RPSA2: variants seen among roughly 807,000 people sequenced by gnomAD.
RPSA2 encodes ribosomal protein SA 2.
chr19:23,866,513 G>GCCC, the RPSA2 span, among the ~76,000 whole-genome samples: 30 of 142,280 alleles, frequency 2.1e-4, no homozygotes, highest in Non-Finnish European at 2.6e-4. Context: ...ACAATGTGGT[G>GCCC]CCCCCCCCCG....
At chr19:23,799,473 C>T in the RPSA2 span, 27 of 152,252 alleles carry the variant, frequency 1.8e-4, no homozygotes, top group African/African-American at 6.3e-4. Flanking sequence ...GGCTCTCTTC[C>T]TGCAGCTCAG....
At chr19:23,792,752 A>G in the RPSA2 span, among the ~76,000 whole-genome samples, 6 of 151,838 alleles carry the variant, frequency 4.0e-5, no homozygotes, top group Non-Finnish European at 7.4e-5. Context: ...TGACCTCGTG[A>G]TCTGCCCGCC....
chr19:23,832,938 A>G, the RPSA2 span: 1 of 1,509,578 alleles, frequency 6.6e-7, no homozygotes, highest in Non-Finnish European at 9.0e-7. Context: ...GCTTTACTAA[A>G]CATAAGGTAA....
chr19:23,814,111 A>C, the RPSA2 span, among the ~76,000 whole-genome samples: 5 of 151,186 alleles, frequency 3.3e-5, no homozygotes, highest in Non-Finnish European at 5.9e-5. Flanking sequence ...TCTTGGGAAG[A>C]TGAGGCAGGA....
At chr19:23,826,782 T>C in the RPSA2 span, among the ~76,000 whole-genome samples, 5 of 152,178 alleles carry the variant, frequency 3.3e-5, no homozygotes, top group East Asian at 9.7e-4. Context: ...GCCTCCTGGG[T>C]TCAAGCAATT....
the RPSA2 span, among the ~76,000 whole-genome samples, chr19:23,828,973 T>A: frequency 7.2e-6 from 1 of 138,938 alleles, no homozygotes; most frequent in Non-Finnish European, 1.6e-5. Context: ...ACACACAAAT[T>A]TGTCATAGAT....
chr19:23,812,744 G>A, the RPSA2 span, among the ~76,000 whole-genome samples: 1 of 152,046 alleles, frequency 6.6e-6, no homozygotes, highest in East Asian at 1.9e-4. Context: ...TAAGTGAGTA[G>A]CCTTGGAAAT....
At chr19:23,818,540 G>A in the RPSA2 span, 2 of 152,516 alleles carry the variant, frequency 1.3e-5, no homozygotes, top group Admixed American at 1.3e-4. Flanking sequence ...TTTGATAAAC[G>A]GCATTTCTCA....
the RPSA2 span, among the ~76,000 whole-genome samples, chr19:23,841,099 T>C: frequency 1.1e-4 from 16 of 152,312 alleles, no homozygotes; most frequent in Non-Finnish European, 1.9e-4. Flanking sequence ...AGAAGTCATG[T>C]TGCATCCTCC....
the RPSA2 span, among the ~76,000 whole-genome samples, chr19:23,841,318 G>T: frequency 5.3e-5 from 8 of 152,020 alleles, no homozygotes; most frequent in African/African-American, 1.7e-4. Flanking sequence ...CAAAAAATCA[G>T]CTGGGCGTGG....
At chr19:23,787,103 T>C in the RPSA2 span, among the ~76,000 whole-genome samples, 1 of 152,286 alleles carries the variant, frequency 6.6e-6, no homozygotes, top group Non-Finnish European at 1.5e-5. Flanking sequence ...AGCATATTGC[T>C]ACACCCAGCA....
At chr19:23,867,809 G>A in the RPSA2 span, among the ~76,000 whole-genome samples, 1 of 143,256 alleles carries the variant, frequency 7.0e-6, no homozygotes, top group Non-Finnish European at 1.5e-5. Flanking sequence ...CAGCCTGGGC[G>A]ACAGAGCGAG....
chr19:23,845,904 A>T, the RPSA2 span, among the ~76,000 whole-genome samples: 1 of 152,144 alleles, frequency 6.6e-6, no homozygotes, highest in Admixed American at 6.5e-5. Context: ...ATTTTATTCT[A>T]CTATGGTCTA....
the RPSA2 span, among the ~76,000 whole-genome samples, chr19:23,801,421 T>C: frequency 6.6e-6 from 1 of 152,164 alleles, no homozygotes; most frequent in Non-Finnish European, 1.5e-5. Flanking sequence ...TATTACTTTT[T>C]TCAGCAGACA....
the RPSA2 span, among the ~76,000 whole-genome samples, chr19:23,816,546 T>G: frequency 6.6e-6 from 1 of 152,222 alleles, no homozygotes; most frequent in Non-Finnish European, 1.5e-5. Context: ...TGCCTTAAAT[T>G]TTATTTTAAT....
the RPSA2 span, among the ~76,000 whole-genome samples, chr19:23,813,765 C>T: frequency 1.7e-4 from 22 of 132,572 alleles, no homozygotes; most frequent in Non-Finnish European, 2.8e-4. Flanking sequence ...CTCTGTTGCC[C>T]AGGCTGGAGT....
At chr19:23,794,620 CTAT>C in the RPSA2 span, among the ~76,000 whole-genome samples, 24,733 of 151,914 alleles carry the variant, frequency 0.16, 2,166 homozygotes, top group Non-Finnish European at 0.21. Flanking sequence ...CAAATATTTC[CTAT>C]TATTCTGTGG....
the RPSA2 span, chr19:23,758,751 T>C: frequency 6.2e-7 from 1 of 1,614,186 alleles, no homozygotes; most frequent in South Asian, 1.1e-5. Context: ...TCTCACCATT[T>C]CTAGGTTTCC....
the RPSA2 span, among the ~76,000 whole-genome samples, chr19:23,792,596 T>TG: frequency 7.3e-5 from 11 of 151,068 alleles, no homozygotes; most frequent in South Asian, 2.1e-4. Flanking sequence ...TTTTTGTTTT[T>TG]TTTTTTGTGA....
Sources: gnomAD v4.1 joint callset for allele counts (sites outside exome capture counted in the v4.1 genomes callset) on GRCh38, gnomAD v4.1.1 for gene constraint, MANE v1.5 for transcripts, NCBI Gene and HGNC (gene_info 2026-07-23, HGNC 2026-07-21) for gene names.